TDRP: variants seen among roughly 807,000 people sequenced by gnomAD.
TDRP encodes testis development-related protein.
In TDRP, 12 loss-of-function variants were observed where a neutral mutation model predicts 10.5. The observed-to-expected ratio is 1.15, with a 90% CI of 0.73 to 1.86. The LOEUF (loss-of-function observed/expected upper bound fraction) is 1.86, where lower values mean the gene tolerates loss of function less well. Among genes scored for constraint, TDRP ranks in the 40% most tolerant of loss-of-function variants. The pLI is 0.00. For missense variants in TDRP, 353 were observed against 229.2 expected (o/e 1.54, Z -3.49); for synonymous variants, 139 against 95.4 (o/e 1.46, Z -2.67).
intron 1 of TDRP, among the ~76,000 whole-genome samples, chr8:529,951 C>T (rs544797696): frequency 1.2e-4 from 19 of 152,246 alleles, no homozygotes; most frequent in Middle Eastern, 3.4e-3. Flanking sequence ...TTGCACCACT[C>T]TTTATTCAAA....
intron 1 of TDRP, among the ~76,000 whole-genome samples, chr8:526,679 G>A (rs1210076790): frequency 6.6e-6 from 1 of 152,032 alleles, no homozygotes; most frequent in Non-Finnish European, 1.5e-5. Flanking sequence ...GTATGTCTTA[G>A]TCTGGTTTTA....
intron 1 of TDRP, among the ~76,000 whole-genome samples, chr8:501,359 C>T (rs1170813195): frequency 6.6e-6 from 1 of 151,612 alleles, no homozygotes; most frequent in Non-Finnish European, 1.5e-5. Context: ...TTTGTTTTGT[C>T]TTTTTGAGAT....
intron 1 of TDRP, among the ~76,000 whole-genome samples, chr8:519,850 G>C (rs749210905): frequency 6.6e-6 from 1 of 152,194 alleles, no homozygotes; most frequent in Non-Finnish European, 1.5e-5. Context: ...TGTTCCACCT[G>C]GTGAAGGGGC....
chr8:490,492 TCCC>T lies in TDRP; in HGVS notation c.*1904_*1906del, dbSNP rs1800938462. ...AGAGCTCCCCACAACATGGGAAGCG[TCCC>T]CATCTCCCCACACACGTGATTTCCA... On this transcript the variant is annotated 3_prime_UTR_variant, in exon 3 of 3. Transcript: ENST00000324079. The T allele has an allele frequency of 1.3e-5, 2 of 152,202 alleles. No individual in the cohort carries two copies. Among genetic ancestry groups the T allele is most frequent in the South Asian group, 2.1e-4 (1 of 4,834 alleles). 9.4% of individuals were successfully genotyped at this position (152,202 alleles called of 1,614,324 possible).
chr8:509,706 T>C (rs1265450958), intron 1 of TDRP, among the ~76,000 whole-genome samples: 1 of 152,140 alleles, frequency 6.6e-6, no homozygotes, highest in Non-Finnish European at 1.5e-5. Context: ...ATTTCCCTAT[T>C]GTCTTGATGA....
chr8:529,699 C>A (rs1802135043), intron 1 of TDRP, among the ~76,000 whole-genome samples: 1 of 152,164 alleles, frequency 6.6e-6, no homozygotes, highest in South Asian at 2.1e-4. Flanking sequence ...CACCCCACTC[C>A]CTTTTGTACT....
At position 541,854 on chromosome 8, in the gene TDRP, A is replaced by G. The variant is rs755887775; in HGVS notation, c.108+2796T>C. On this transcript the variant is annotated intron_variant, in intron 1 of 2. Transcript: ENST00000324079. ...TTGGAAGACGGTTTGGCGGTTTCTT[A>G]TAAAACTAAACACTCTCACCATGCA... Among the ~76,000 whole-genome samples the G allele has an allele frequency of 2.0e-5, 3 of 152,208 alleles. No homozygotes were observed. The South Asian group carries it at 6.2e-4, about 32-fold the overall frequency.
At chr8:524,358 C>T (rs1240633752) in intron 1 of TDRP, among the ~76,000 whole-genome samples, 1 of 152,144 alleles carries the variant, frequency 6.6e-6, no homozygotes, top group Non-Finnish European at 1.5e-5. Flanking sequence ...GCATATACTA[C>T]AATAAATTAC....
At chr8:521,902 A>T (rs1801915425) in intron 1 of TDRP, among the ~76,000 whole-genome samples, 1 of 152,178 alleles carries the variant, frequency 6.6e-6, no homozygotes, top group African/African-American at 2.4e-5. Context: ...AACTTTCAGC[A>T]ATGTTTTATA....
At chr8:532,387 C>G (rs1453861893) in intron 1 of TDRP, among the ~76,000 whole-genome samples, 2 of 152,178 alleles carry the variant, frequency 1.3e-5, no homozygotes, top group Admixed American at 1.3e-4. Flanking sequence ...GGCTCCCTAG[C>G]AAGATGATGA....
rs1800992532 is a variant in TDRP, at chr8:492,065, A to G, written c.*334T>C. 1 of 1,149,432 alleles carries G rather than the reference A, an allele frequency of 8.7e-7. No individual in the cohort carries two copies. The highest frequency in any genetic ancestry group is 1.1e-6 in the Non-Finnish European group (1 of 936,558). The allele number at this position is 1,149,432 out of a possible 1,614,324, so 71.2% of individuals were successfully genotyped here. On this transcript the variant is annotated 3_prime_UTR_variant, in exon 3 of 3. Transcript: ENST00000324079. ...AAGTTCTGAAACAGAACTACAACAC[A>G]GAGCAGCATGAAAATCATTTTGTGA...
intron 1 of TDRP, among the ~76,000 whole-genome samples, chr8:539,568 G>C (rs1041590779): frequency 6.6e-6 from 1 of 152,198 alleles, no homozygotes; most frequent in Non-Finnish European, 1.5e-5. Flanking sequence ...GAAAAGGCAG[G>C]TGTGAAGGTG....
chr8:537,877 TAA>T, intron 1 of TDRP, among the ~76,000 whole-genome samples: 1 of 152,332 alleles, frequency 6.6e-6, no homozygotes, highest in Middle Eastern at 3.4e-3. Context: ...CTTGGTTATA[TAA>T]AAGAGTAAGA....
At chr8:534,274 T>C (rs1016577039) in intron 1 of TDRP, among the ~76,000 whole-genome samples, 1 of 152,228 alleles carries the variant, frequency 6.6e-6, no homozygotes, top group Non-Finnish European at 1.5e-5. Context: ...GTAGTTATGT[T>C]GTACAAAGTT....
At position 492,275 on chromosome 8, in the gene TDRP, CCAAATAT is replaced by C. The variant is rs1394733177; in HGVS notation, c.*117_*123del. ...GTTCATTAAATAAAGAAACAGAGGTCCAAATATCAAATATAGGCAAAAAGTAGACTCT... is the reference window on the plus strand; with the variant it reads ...GTTCATTAAATAAAGAAACAGAGGTCCAAATATAGGCAAAAAGTAGACTCT... On this transcript the variant is annotated 3_prime_UTR_variant, in exon 3 of 3. Coordinates refer to ENST00000324079, the MANE Select transcript of TDRP (RefSeq NM_001384899.1). The C allele has an allele frequency of 7.5e-7, 1 of 1,337,804 alleles. No homozygotes were observed. The highest frequency in any genetic ancestry group is 9.6e-7 in the Non-Finnish European group (1 of 1,045,570). The allele number at this position is 1,337,804 out of a possible 1,614,324, so 82.9% of individuals were successfully genotyped here.
intron 1 of TDRP, among the ~76,000 whole-genome samples, chr8:524,251 C>G (rs1440568296): frequency 1.3e-5 from 2 of 152,288 alleles, no homozygotes; most frequent in South Asian, 2.1e-4. Context: ...TGGGGTGCCC[C>G]TAATACAGTG....
intron 1 of TDRP, among the ~76,000 whole-genome samples, chr8:512,307 C>T (rs890074802): frequency 6.6e-6 from 1 of 152,026 alleles, no homozygotes; most frequent in Non-Finnish European, 1.5e-5. Context: ...GTGGCACACA[C>T]CTGTAGTGCC....
chr8:525,746 G>A (rs1802018934), intron 1 of TDRP, among the ~76,000 whole-genome samples: 1 of 152,092 alleles, frequency 6.6e-6, no homozygotes, highest in Admixed American at 6.6e-5. Flanking sequence ...TCACCGACGG[G>A]AAGGAAGGAA....
intron 1 of TDRP, among the ~76,000 whole-genome samples, chr8:525,349 G>C (rs1563128370): frequency 6.6e-6 from 1 of 152,106 alleles, no homozygotes; most frequent in Admixed American, 6.5e-5. Context: ...ATGTTAATTA[G>C]AAAGAAGAAA....
Sources: gnomAD v4.1 joint callset for allele counts (sites outside exome capture counted in the v4.1 genomes callset) on GRCh38, gnomAD v4.1.1 for gene constraint, MANE v1.5 for transcripts, NCBI Gene and HGNC (gene_info 2026-07-23, HGNC 2026-07-21) for gene names.